Variants in C1R observed in about 807,000 individuals in gnomAD.
C1R encodes complement C1r subcomponent.
Under a neutral mutation model 27.6 loss-of-function variants are expected in C1R, and 15 were observed. That is an observed-to-expected ratio of 0.54 (90% CI 0.36 to 0.84). The LOEUF is 0.84. Ranked by LOEUF, C1R falls within the 40% of genes least tolerant of loss-of-function variation. The probability of loss-of-function intolerance (pLI) is 0.01; values close to 1 mark genes in which losing one functional copy is unlikely to be tolerated. For missense variants in C1R, 544 were observed against 577.9 expected (o/e 0.94, Z 0.60); for synonymous variants, 253 against 228.8 (o/e 1.11, Z -0.95).
intron 2 of C1R, 77 bp from the exon 3 acceptor site, chr12:7,090,325 C>T: frequency 1.5e-6 from 1 of 666,154 alleles, no homozygotes; most frequent in African/African-American, 1.8e-5. Flanking sequence ...GATGGTCCTC[C>T]TTGTCTCGCC....
At chr12:7,085,722 C>T (rs951204434) in intron 9 of C1R, 139 bp downstream of exon 9, 10,476 of 396,412 alleles carry the variant, frequency 0.026, 188 homozygotes, top group Non-Finnish European at 0.035. Context: ...TTCCTGTTAG[C>T]ACTATAATTT....
At chr12:7,081,694 T>C (rs1479384975) in intron 10 of C1R, among the ~76,000 whole-genome samples, 2 of 152,130 alleles carry the variant, frequency 1.3e-5, no homozygotes, top group African/African-American at 4.8e-5. Flanking sequence ...GGTTTCGCCA[T>C]GTTGGCCAGG....
intron 6 of C1R, 26 bp downstream of exon 6, chr12:7,088,813 C>T (rs772768352): frequency 8.5e-5 from 66 of 772,274 alleles, no homozygotes; most frequent in South Asian, 1.9e-4. Context: ...TGCTGGCCAT[C>T]GAGGGAGGCC....
At chr12:7,082,872 A>T (rs1017078806) in intron 9 of C1R, among the ~76,000 whole-genome samples, 1 of 152,032 alleles carries the variant, frequency 6.6e-6, no homozygotes, top group Admixed American at 6.6e-5. Context: ...TATTATCCTC[A>T]TTTTGTGGAT....
chr12:7,080,873 CAT>C lies in C1R; in HGVS notation c.1775_1776del (p.Tyr592CysfsTer14), dbSNP rs780172094. 1 of 1,613,978 alleles carries C rather than the reference CAT, an allele frequency of 6.2e-7. No individual in the cohort carries two copies. On this transcript the variant is annotated frameshift_variant, in exon 11 of 11. Transcript: ENST00000647956. LOFTEE classifies it low-confidence loss of function (END_TRUNC). The surrounding 1 kb of genome is among the most constrained non-coding windows in gnomAD (Gnocchi z 4.9). ...DTFYDLGLMG[Y>X]VSGFGVMEEK... ...TCCTCCATGACCCCGAAGCCACTGA[CAT>C]AGCCCATCAAGCCCAGGTCGTAGAA...
intron 5 of C1R, 60 bp downstream of exon 5, chr12:7,089,233 G>C: frequency 2.7e-6 from 2 of 746,204 alleles, no homozygotes; most frequent in South Asian, 2.8e-5. Context: ...GTTGGGACAA[G>C]AGGAGCCAAG....
chr12:7,091,798 C>T lies in C1R; in HGVS notation c.3-118G>A, dbSNP rs1282391514. On this transcript the variant is annotated intron_variant, in intron 1 of 10. Coordinates refer to ENST00000647956, the MANE Select transcript of C1R (RefSeq NM_001733.7). The surrounding 1 kb of genome is among the most constrained non-coding windows in gnomAD (Gnocchi z 5.1). ...CACTGGGCATTCTCCTCTCTGCCCA[C>T]CCTGAACCTCACAGACATGTTCTCA... 8.4e-6 allele frequency: 6 copies of T among 710,884 alleles called. No homozygotes were observed. The highest frequency in any genetic ancestry group is 1.5e-5 in the South Asian group (1 of 66,774). 44.0% of individuals were successfully genotyped at this position (710,884 alleles called of 1,614,324 possible). A position where few individuals can be genotyped will look rare whatever the true frequency, so the allele number is the denominator to read the frequency against.
intron 9 of C1R, among the ~76,000 whole-genome samples, chr12:7,085,640 A>G (rs2135740896): frequency 6.6e-6 from 1 of 152,120 alleles, no homozygotes; most frequent in East Asian, 1.9e-4. Flanking sequence ...ATGTGGTGAC[A>G]GTGAGCTGTT....
In C1R at chr12:7,090,078, G is replaced by C. The variant is rs772213361; in HGVS notation, c.402C>G (p.Phe134Leu). Residue 134 changes from phenylalanine to leucine, a missense_variant, in exon 3 of 11, where the codon TTC becomes TTG. Physicochemically the swap from Phe to Leu is conservative, Grantham distance 22 (BLOSUM62 0). Around this residue, in one of 2 missense-constraint regions of C1R, gnomAD observed 291 missense variants for 209.0 expected, o/e 1.39. Transcript: ENST00000647956. ...CACCCACAGCTTGGTAGTAGGCCAG[G>C]AAGCCCTTGTAGAACATGATGGTCC... Reference protein sequence around the residue: ...ENGTIMFYKGFLAYYQAVDLD... With the variant: ...ENGTIMFYKGLLAYYQAVDLD... 1.3e-6 allele frequency: 1 copy of C among 776,556 alleles called. No homozygotes were observed. The highest frequency in any genetic ancestry group is 2.4e-6 in the Non-Finnish European group (1 of 416,168). 48.1% of individuals were successfully genotyped at this position (776,556 alleles called of 1,614,324 possible). A position where few individuals can be genotyped will look rare whatever the true frequency, so the allele number is the denominator to read the frequency against.
intron 9 of C1R, among the ~76,000 whole-genome samples, chr12:7,085,505 ATGG>A (rs1397454602): frequency 2.6e-5 from 4 of 151,556 alleles, no homozygotes; most frequent in Admixed American, 6.6e-5. Flanking sequence ...GATGGCGGTG[ATGG>A]TGGTGATTGT....
rs762964953 is a variant in C1R, at chr12:7,082,044, G to A, written c.1336C>T (p.Arg446Trp). 155 of 1,537,044 alleles carry A rather than the reference G, an allele frequency of 1.0e-4. No homozygotes were observed. In the South Asian group the frequency reaches 1.6e-3, roughly 16 times the overall value. ...KNEQKGEKIP[R>W]CLPVCGKPVN... ...GGTTTCCACTCACCTGGCAAGCACC[G>A]AGGAATCTTCTCTCCCTTCTGTTCA... Residue 446 changes from arginine to tryptophan, a missense_variant, in exon 10 of 11, where the codon CGG (arginine) becomes TGG (tryptophan). Physicochemically the swap from Arg to Trp is moderately radical, Grantham distance 101. This residue lies in a region of C1R where 253 missense variants were observed against 368.9 expected (regional missense o/e 0.69). Coordinates refer to ENST00000647956, the MANE Select transcript of C1R (RefSeq NM_001733.7).
At chr12:7,085,764 C>A in intron 9 of C1R, 97 bp downstream of exon 9, 2 of 397,640 alleles carry the variant, frequency 5.0e-6, no homozygotes, top group Non-Finnish European at 8.9e-6. Flanking sequence ...TGGCAGATAC[C>A]TTAATATGCA....
At position 7,091,650 on chromosome 12, in the gene C1R, C is replaced by G. The variant is rs763456361; in HGVS notation, c.33G>C (p.Leu11=). ...GAATGGAGCCTCCTGCCCTGCAGAACAGGGCCGGCACCAGGAGGTACAAGA... is the reference window on the plus strand; with the variant it reads ...GAATGGAGCCTCCTGCCCTGCAGAAGAGGGCCGGCACCAGGAGGTACAAGA... MWLLYLLVPA[L]FCRAGGSIPI... Residue 11 remains leucine, a synonymous_variant, in exon 2 of 11, where the codon CTG becomes CTC. Transcript: ENST00000647956. The surrounding 1 kb of genome is among the most constrained non-coding windows in gnomAD (Gnocchi z 5.1). 1.3e-6 allele frequency: 1 copy of G among 750,218 alleles called. No homozygotes were observed. Among genetic ancestry groups the G allele is most frequent in the African/African-American group, 1.7e-5 (1 of 58,394 alleles). 46.5% of individuals were successfully genotyped at this position (750,218 alleles called of 1,614,324 possible).
intron 7 of C1R, chr12:7,086,919 C>T (rs959163446): frequency 9.6e-4 from 147 of 153,000 alleles, no homozygotes; most frequent in Non-Finnish European, 1.8e-3. Context: ...AGGACAGAGG[C>T]CTTCCCTAAA....
chr12:7,084,734 GTGGTGATGGTGTTGGTAA>G (rs1437823190), intron 9 of C1R, among the ~76,000 whole-genome samples: 1 of 48,820 alleles, frequency 2.0e-5, no homozygotes, highest in Non-Finnish European at 4.5e-5. Context: ...GGTGTTGGTG[GTGGTGATGGTGTTGGTAA>G]TGGTGATGGT....
Position 7,090,135 on chromosome 12 carries a change from G to T in C1R, c.345C>A (p.Thr115=). ...CCTCGTTGGAGAAGTCTGTGTGGAAGGTCAGCAGCATCTTGTTCCCTTGGG... is the reference window on the plus strand; with the variant it reads ...CCTCGTTGGAGAAGTCTGTGTGGAATGTCAGCAGCATCTTGTTCCCTTGGG... ...FMSQGNKMLL[T]FHTDFSNEEN... The change falls in exon 3 of 11, where the codon ACC becomes ACA. Residue 115 remains threonine, a synonymous_variant. Transcript: ENST00000647956. 1.3e-6 allele frequency: 1 copy of T among 776,520 alleles called. No homozygotes were observed. Among genetic ancestry groups the T allele is most frequent in the Non-Finnish European group, 2.4e-6 (1 of 416,134 alleles). The allele number at this position is 776,520 out of a possible 1,614,324, so 48.1% of individuals were successfully genotyped here.
At chr12:7,085,115 A>G (rs1453658008) in intron 9 of C1R, among the ~76,000 whole-genome samples, 2 of 127,028 alleles carry the variant, frequency 1.6e-5, no homozygotes, top group East Asian at 2.4e-4. Context: ...GGTGATGATG[A>G]TGTTAGTAAT....
chr12:7,082,812 T>C (rs1938088064), intron 9 of C1R, among the ~76,000 whole-genome samples: 1 of 152,202 alleles, frequency 6.6e-6, no homozygotes, highest in East Asian at 1.9e-4. Flanking sequence ...CTAAGCACTT[T>C]ATCTGCACGA....
Position 7,080,995 on chromosome 12 carries a change from T to C in C1R, c.1655A>G (p.Tyr552Cys). 1.2e-6 allele frequency: 2 copies of C among 1,614,018 alleles called. No homozygotes were observed. Among genetic ancestry groups the C allele is most frequent in the Non-Finnish European group, 1.7e-6 (2 of 1,179,884 alleles). ...CAGGGCGATGTCCCCCTCAAAATTG[T>C]AGGACTCATCCTGACGGTAGTCCGG... ...VHPDYRQDES[Y>C]NFEGDIALLE... Residue 552 changes from tyrosine to cysteine, a missense_variant, in exon 11 of 11, where the codon TAC (tyrosine) becomes TGC (cysteine). Tyr to Cys is a radical substitution (Grantham distance 194). Coordinates refer to ENST00000647956, the MANE Select transcript of C1R (RefSeq NM_001733.7). The surrounding 1 kb of genome is among the most constrained non-coding windows in gnomAD (Gnocchi z 4.9).
Sources: allele counts gnomAD v4.1 joint callset (sites outside exome capture counted in the v4.1 genomes callset), GRCh38; gene constraint gnomAD v4.1.1; regional missense constraint gnomAD v4.1.1; non-coding constraint Gnocchi (gnomAD v3.1); transcripts MANE v1.5; gene names NCBI Gene and HGNC (gene_info 2026-07-23, HGNC 2026-07-21).